The following TRPC4 variants were observed in gnomAD, a reference collection of about 807,000 sequenced individuals.
TRPC4 encodes transient receptor potential cation channel subfamily C member 4, also known as short transient receptor potential channel 4.
Under a neutral mutation model 99.4 loss-of-function variants are expected in TRPC4, and 49 were observed. That is an observed-to-expected ratio of 0.49 (90% CI 0.39 to 0.63). The LOEUF (loss-of-function observed/expected upper bound fraction) is 0.63. TRPC4 is among the 20% of genes least tolerant of loss of function. The pLI, the probability that TRPC4 is intolerant of heterozygous loss-of-function variation, is 0.00. For synonymous variants in TRPC4, 454 were observed against 425.9 expected (o/e 1.07, Z -0.81); for missense variants, 898 against 1,152.9 (o/e 0.78, Z 3.20).
In TRPC4 at chr13:37,639,295, C is replaced by T. The variant is rs1462685594; in HGVS notation, c.2084G>A (p.Arg695Gln). Residue 695 changes from arginine (R) to glutamine (Q), a missense_variant, in exon 9 of 11, where the codon CGA becomes CAA. Transcript: ENST00000379705. ...ATGTCTTCTCAAGTTATCAGCAGCT[C>T]GCCTCTGAAAAGGAAAAGGACATTC... ...KPESFGTIGR[R>Q]AADNLRRHHQ... The T allele has an allele frequency of 4.3e-6, 7 of 1,613,374 alleles. No individual in the cohort carries two copies. The highest frequency in any genetic ancestry group is 2.7e-5 in the African/African-American group (2 of 74,854).
intron 3 of TRPC4, among the ~76,000 whole-genome samples, chr13:37,737,992 A>T (rs9315510): frequency 0.012 from 1,886 of 152,180 alleles, 18 homozygotes; most frequent in Non-Finnish European, 0.019. Flanking sequence ...TTAATGCATG[A>T]TCCCTTTCCT....
intron 2 of TRPC4, among the ~76,000 whole-genome samples, chr13:37,752,242 G>A (rs1260857532): frequency 6.6e-6 from 1 of 151,338 alleles, no homozygotes; most frequent in East Asian, 1.9e-4. Context: ...AGCAAGAAGC[G>A]AATAATTGAC....
intron 4 of TRPC4, among the ~76,000 whole-genome samples, chr13:37,675,963 C>T (rs1953029809): frequency 6.6e-6 from 1 of 152,148 alleles, no homozygotes; most frequent in South Asian, 2.1e-4. Flanking sequence ...TGAGAATAAT[C>T]TTCTTTTCCA....
At chr13:37,667,055 T>C (rs1952667979) in intron 5 of TRPC4, among the ~76,000 whole-genome samples, 1 of 152,170 alleles carries the variant, frequency 6.6e-6, no homozygotes, top group Non-Finnish European at 1.5e-5. Flanking sequence ...CCTGAAACTC[T>C]TTCTCCATTT....
At chr13:37,708,203 G>A (rs1954357094) in intron 3 of TRPC4, among the ~76,000 whole-genome samples, 1 of 152,004 alleles carries the variant, frequency 6.6e-6, no homozygotes, top group African/African-American at 2.4e-5. Flanking sequence ...ATTTTCTGTG[G>A]AAATAAGTAA....
At chr13:37,841,206 A>G (rs1298876958) in intron 1 of TRPC4, among the ~76,000 whole-genome samples, 1 of 152,150 alleles carries the variant, frequency 6.6e-6, no homozygotes, top group Non-Finnish European at 1.5e-5. Context: ...CTAAATCTGT[A>G]TATCAACAGA....
intron 3 of TRPC4, among the ~76,000 whole-genome samples, chr13:37,745,450 A>ATATATATATATATACG (rs1955715486): frequency 3.4e-4 from 1 of 2,972 alleles, no homozygotes; most frequent in Non-Finnish European, 1.4e-3. Flanking sequence ...ATATATATAT[A>ATATATATATATATACG]TATATATATA....
intron 1 of TRPC4, among the ~76,000 whole-genome samples, chr13:37,857,944 A>T (rs576550602): frequency 1.3e-3 from 194 of 151,954 alleles, no homozygotes; most frequent in African/African-American, 4.4e-3. Flanking sequence ...AAGTTTCTGC[A>T]CAGCAAAAGA....
intron 2 of TRPC4, among the ~76,000 whole-genome samples, chr13:37,748,365 T>A (rs1039893159): frequency 6.6e-6 from 1 of 152,176 alleles, no homozygotes; most frequent in Admixed American, 6.6e-5. Flanking sequence ...CTATGCTTTT[T>A]AAGCTGTTAA....
At chr13:37,752,307 A>T (rs889109579) in intron 2 of TRPC4, among the ~76,000 whole-genome samples, 1 of 151,818 alleles carries the variant, frequency 6.6e-6, no homozygotes, top group African/African-American at 2.4e-5. Context: ...GCGTTAGAAC[A>T]TTCGGCTGCC....
chr13:37,790,845 T>G (rs952531762), intron 1 of TRPC4, among the ~76,000 whole-genome samples: 7 of 152,154 alleles, frequency 4.6e-5, no homozygotes, highest in Admixed American at 2.6e-4. Flanking sequence ...AGTAGGAGTT[T>G]GTATGGTGAC....
intron 3 of TRPC4, among the ~76,000 whole-genome samples, chr13:37,728,424 C>G (rs144061227): frequency 3.3e-5 from 5 of 151,788 alleles, no homozygotes; most frequent in South Asian, 2.1e-4. Flanking sequence ...TAAGGAAATT[C>G]AATTTATAAA....
Position 37,633,039 on chromosome 13 carries a change from A to G in TRPC4, c.*3864T>C, listed in dbSNP as rs542637460. On this transcript the variant is annotated 3_prime_UTR_variant, in exon 11 of 11. Transcript: ENST00000379705. ...ACCAAACACATGGGTAAATTTAGATAATTTCCATAAATTCCCTGGGCTTTA... is the reference window on the plus strand; with the variant it reads ...ACCAAACACATGGGTAAATTTAGATGATTTCCATAAATTCCCTGGGCTTTA... 5.3e-5 allele frequency among the ~76,000 whole-genome samples: 8 copies of G among 152,272 alleles called. No homozygotes were observed. The highest frequency in any genetic ancestry group is 1.9e-4 in the African/African-American group (8 of 41,560).
rs550034290 is a variant in TRPC4, at chr13:37,859,010, A to G, written c.-28+10585T>C. Among the ~76,000 whole-genome samples, 9 of 151,586 alleles carry G rather than the reference A, an allele frequency of 5.9e-5. 1 individual carries two copies. In the South Asian group the frequency reaches 1.9e-3, roughly 31 times the overall value. On this transcript the variant is annotated intron_variant, in intron 1 of 10. Transcript: ENST00000379705. The stretch of plus-strand genomic sequence containing the variant: ...ATTTTCCATGATGTGATTATTACTG[A>G]CTGCGTGCCTGCATCAAAATATCTC...
chr13:37,656,398 T>C (rs1952238442), intron 6 of TRPC4, among the ~76,000 whole-genome samples: 1 of 152,216 alleles, frequency 6.6e-6, no homozygotes, highest in African/African-American at 2.4e-5. Flanking sequence ...TAGATTGGAA[T>C]GGTGTTGCAG....
chr13:37,782,681 T>C (rs185070190), intron 2 of TRPC4, among the ~76,000 whole-genome samples: 1 of 152,108 alleles, frequency 6.6e-6, no homozygotes, highest in African/African-American at 2.4e-5. Flanking sequence ...TGTTTCCAAT[T>C]TATGAGCAGT....
At chr13:37,822,219 T>C (rs911461301) in intron 1 of TRPC4, among the ~76,000 whole-genome samples, 3 of 151,914 alleles carry the variant, frequency 2.0e-5, no homozygotes, top group African/African-American at 7.2e-5. Flanking sequence ...CACAGATTAT[T>C]AGAGAAATGC....
At chr13:37,810,289 CA>C (rs1345149902) in intron 1 of TRPC4, among the ~76,000 whole-genome samples, 2 of 151,900 alleles carry the variant, frequency 1.3e-5, no homozygotes, top group African/African-American at 4.8e-5. Flanking sequence ...ATTACACAGC[CA>C]AAATTATATT....
chr13:37,691,876 CT>C (rs750042887), intron 4 of TRPC4, 122 bp downstream of exon 4: 114 of 945,560 alleles, frequency 1.2e-4, no homozygotes, highest in Non-Finnish European at 1.7e-4. Flanking sequence ...GTTCTTGGAG[CT>C]ACAATAGTCA....
Sources: gnomAD v4.1 joint callset for allele counts (sites outside exome capture counted in the v4.1 genomes callset) on GRCh38, gnomAD v4.1.1 for gene constraint, MANE v1.5 for transcripts, NCBI Gene and HGNC (gene_info 2026-07-23, HGNC 2026-07-21) for gene names.